Variants in MXI1 observed in about 807,000 individuals in gnomAD.
MXI1 encodes max-interacting protein 1.
A neutral mutation model predicts 36.9 loss-of-function variants in MXI1; 18 were observed. The observed-to-expected ratio is 0.49, with a 90% CI of 0.34 to 0.72. The LOEUF (loss-of-function observed/expected upper bound fraction) is 0.72, where lower values mean the gene tolerates loss of function less well. Ranked by LOEUF, MXI1 falls within the 30% of genes least tolerant of loss-of-function variation. The probability of loss-of-function intolerance (pLI) is 0.01; values close to 1 mark genes in which losing one functional copy is unlikely to be tolerated. For missense variants in MXI1, 304 were observed against 379.1 expected, an observed-to-expected ratio of 0.80 and a Z score of 1.64; for synonymous variants, 160 against 146.7, an observed-to-expected ratio of 1.09 and a Z score of -0.65.
intron 1 of MXI1, 32 bp downstream of exon 1, chr10:110,208,114 G>A: frequency 6.4e-7 from 1 of 1,558,794 alleles, no homozygotes; most frequent in Non-Finnish European, 8.7e-7. Flanking sequence ...CTTCCTCGGC[G>A]CCCGGTTCTT....
At chr10:110,231,972 A>G (rs565089321) in intron 2 of MXI1, among the ~76,000 whole-genome samples, 1 of 145,700 alleles carries the variant, frequency 6.9e-6, no homozygotes, top group South Asian at 2.4e-4. Context: ...CCCTGCAACT[A>G]CAGTTTTTTT....
chr10:110,209,671 G>A (rs1854458547), intron 1 of MXI1, among the ~76,000 whole-genome samples: 1 of 152,246 alleles, frequency 6.6e-6, no homozygotes, highest in African/African-American at 2.4e-5. Context: ...GGGGGATGGG[G>A]CGCGGGAAGC....
chr10:110,215,051 T>TG (rs1286730994), intron 1 of MXI1, among the ~76,000 whole-genome samples: 1 of 125,086 alleles, frequency 8.0e-6, no homozygotes, highest in East Asian at 2.2e-4. Flanking sequence ...TTGTTTTTTT[T>TG]TTTTTTTTGA....
rs566853773 is a variant in MXI1, at chr10:110,235,970, G to T, written c.407+7649G>T. On this transcript the variant is annotated intron_variant, in intron 2 of 5. Transcript: ENST00000332674. ...TACAGTGAGTTGAGATCATGCTACTGCACTCCAGCCTGGGCAACAGAGTGA... is the reference window on the plus strand; with the variant it reads ...TACAGTGAGTTGAGATCATGCTACTTCACTCCAGCCTGGGCAACAGAGTGA... 3.7e-3 allele frequency among the ~76,000 whole-genome samples: 568 copies of T among 152,092 alleles called. 4 individuals carry two copies. The highest frequency in any genetic ancestry group is 0.013 in the African/African-American group (538 of 41,520).
chr10:110,224,998 C>T (rs4918487), intron 1 of MXI1, among the ~76,000 whole-genome samples: 34,040 of 152,072 alleles, frequency 0.22, 4,542 homozygotes, highest in African/African-American at 0.37. Flanking sequence ...TTTTTAGCTA[C>T]AGAGGAGAGC....
intron 1 of MXI1, chr10:110,226,259 G>C: frequency 6.7e-7 from 1 of 1,501,554 alleles, no homozygotes; most frequent in Non-Finnish European, 8.9e-7. Context: ...GGAGGCTGCC[G>C]AGTTTTTGGA....
intron 1 of MXI1, among the ~76,000 whole-genome samples, chr10:110,218,899 C>T (rs1300013690): frequency 6.6e-6 from 1 of 152,210 alleles, no homozygotes; most frequent in Admixed American, 6.5e-5. Context: ...GCATTAGGTC[C>T]TCGCTGCCAC....
chr10:110,216,970 C>A lies in MXI1; in HGVS notation c.274+8888C>A, dbSNP rs565044524. ...GGCATGAGCCACCGTGCCCGGCCTA[C>A]AATCCTTTGTGTTTTTGTGTTTGTC... On this transcript the variant is annotated intron_variant, in intron 1 of 5. Coordinates refer to ENST00000332674, the MANE Select transcript of MXI1 (RefSeq NM_130439.3). Among the ~76,000 whole-genome samples, 6 of 152,190 alleles carry A rather than the reference C, an allele frequency of 3.9e-5. No homozygotes were observed. In the East Asian group the frequency reaches 7.7e-4, roughly 20 times the overall value.
chr10:110,245,720 T>C (rs1403104226), intron 3 of MXI1: 4 of 152,206 alleles, frequency 2.6e-5, no homozygotes, highest in Admixed American at 6.5e-5. Context: ...GCCTGTGTCT[T>C]GGAAATATCG....
chr10:110,260,416 G>GGGGTGT (rs1374637231), intron 3 of MXI1, among the ~76,000 whole-genome samples: 50 of 144,664 alleles, frequency 3.5e-4, no homozygotes, highest in African/African-American at 1.2e-3. Flanking sequence ...CCTTGATACA[G>GGGGTGT]GTGTGTGTGT....
intron 2 of MXI1, among the ~76,000 whole-genome samples, chr10:110,235,939 G>A (rs1379381241): frequency 2.0e-5 from 3 of 151,192 alleles, no homozygotes; most frequent in Non-Finnish European, 4.4e-5. Context: ...CCCGGATAGT[G>A]GAGTCTACAG....
At chr10:110,236,573 C>T (rs1341951518) in intron 2 of MXI1, among the ~76,000 whole-genome samples, 1 of 152,234 alleles carries the variant, frequency 6.6e-6, no homozygotes, top group East Asian at 1.9e-4. Context: ...TCTCCCATCG[C>T]AGCCTCCTGA....
rs560643282 is a variant in MXI1 at position 110,214,420 on chromosome 10, C to G, written c.274+6338C>G. Among the ~76,000 whole-genome samples the G allele has an allele frequency of 2.6e-5, 4 of 152,190 alleles. No homozygotes were observed. In the South Asian group the frequency reaches 6.2e-4, roughly 24 times the overall value. The stretch of plus-strand genomic sequence containing the variant: ...AGGGCTCCTAGGAAACACCACCCCC[C>G]TCCTGCTGCCTTTCCCAAGTCTGTC... On this transcript the variant is annotated intron_variant, in intron 1 of 5. Transcript: ENST00000332674.
At chr10:110,234,788 AAT>A (rs1855396159) in intron 2 of MXI1, among the ~76,000 whole-genome samples, 1 of 152,106 alleles carries the variant, frequency 6.6e-6, no homozygotes, top group Non-Finnish European at 1.5e-5. Flanking sequence ...TAACTTCGAG[AAT>A]ATGTTTAAGA....
At chr10:110,276,193 T>C (rs1468488787) in intron 3 of MXI1, among the ~76,000 whole-genome samples, 2 of 152,164 alleles carry the variant, frequency 1.3e-5, no homozygotes, top group Non-Finnish European at 2.9e-5. Context: ...TAAATTTAGG[T>C]CCTTTACTTT....
chr10:110,216,146 C>A (rs1330059367), intron 1 of MXI1, among the ~76,000 whole-genome samples: 1 of 152,208 alleles, frequency 6.6e-6, no homozygotes, highest in Non-Finnish European at 1.5e-5. Flanking sequence ...GGGCCCCTTG[C>A]TTATGAAATG....
chr10:110,221,444 A>T (rs1172998960), intron 1 of MXI1, among the ~76,000 whole-genome samples: 1 of 152,262 alleles, frequency 6.6e-6, no homozygotes, highest in Non-Finnish European at 1.5e-5. Context: ...ATACCTTATC[A>T]GTAGCACCCT....
intron 3 of MXI1, among the ~76,000 whole-genome samples, chr10:110,263,773 AT>A (rs915053903): frequency 1.3e-5 from 2 of 151,844 alleles, no homozygotes; most frequent in Non-Finnish European, 2.9e-5. Context: ...TTTCCTTCTG[AT>A]TTTTTTGTTT....
rs1438541313 is a variant in MXI1 at position 110,274,240 on chromosome 10, C to A, written c.438-4940C>A. Among the ~76,000 whole-genome samples, 3 of 152,128 alleles carry A rather than the reference C, an allele frequency of 2.0e-5. No homozygotes were observed. The East Asian group carries it at 5.8e-4, about 29-fold the overall frequency. ...TCATTGTTCTTTATCCCACAAGGGGCTTGCCCTTTTTGAAGGTGTGGTTAA... is the reference window on the plus strand; with the variant it reads ...TCATTGTTCTTTATCCCACAAGGGGATTGCCCTTTTTGAAGGTGTGGTTAA... On this transcript the variant is annotated intron_variant, in intron 3 of 5. Transcript: ENST00000332674.
Sources: allele counts gnomAD v4.1 joint callset (sites outside exome capture counted in the v4.1 genomes callset), GRCh38; gene constraint gnomAD v4.1.1; transcripts MANE v1.5; gene names NCBI Gene and HGNC (gene_info 2026-07-23, HGNC 2026-07-21).